The following RTL4 variants were observed in gnomAD, a reference collection of about 807,000 sequenced individuals.
RTL4 encodes retrotransposon Gag like 4.
Under a neutral mutation model 5.3 loss-of-function variants are expected in RTL4, and 4 were observed. That is an observed-to-expected ratio of 0.75 (90% CI 0.37 to 1.72). RTL4 has a LOEUF of 1.72. Among genes scored for constraint, RTL4 ranks in the 40% most tolerant of loss-of-function variants. The probability of loss-of-function intolerance (pLI) is 0.04; values close to 1 mark genes in which losing one functional copy is unlikely to be tolerated. For missense variants in RTL4, 260 were observed against 227.1 expected (o/e 1.14, Z -0.93); for synonymous variants, 98 against 87.3 (o/e 1.12, Z -0.68).
At chrX:112,292,436 G>A in the RTL4 span, among the ~76,000 whole-genome samples, 2 of 111,834 alleles carry the variant, frequency 1.8e-5, no homozygotes, top group Non-Finnish European at 3.8e-5. Context: ...GACTAGCAAA[G>A]CAAGGACCTC....
At chrX:112,125,044 G>C in the RTL4 span, among the ~76,000 whole-genome samples, 1 of 108,743 alleles carries the variant, frequency 9.2e-6, no homozygotes, top group Non-Finnish European at 1.9e-5. Context: ...GGGACTACAG[G>C]TGCATGCCAC....
chrX:112,126,353 C>T, the RTL4 span, among the ~76,000 whole-genome samples: 4 of 112,164 alleles, frequency 3.6e-5, no homozygotes, highest in African/African-American at 1.3e-4. Flanking sequence ...AGGAAAGTAC[C>T]TTCATCCTAA....
the RTL4 span, among the ~76,000 whole-genome samples, chrX:112,088,768 G>T: frequency 3.4e-3 from 382 of 112,168 alleles, no homozygotes; most frequent in African/African-American, 7.7e-3. Flanking sequence ...TGTGTGAAGT[G>T]GTATCTCATT....
the RTL4 span, among the ~76,000 whole-genome samples, chrX:112,310,801 CTATATTA>C: frequency 1.3e-5 from 1 of 75,631 alleles, no homozygotes; most frequent in African/African-American, 5.1e-5. Flanking sequence ...ATATATAATT[CTATATTA>C]TATATTATAT....
the RTL4 span, among the ~76,000 whole-genome samples, chrX:112,268,033 C>A: frequency 9.0e-6 from 1 of 111,250 alleles, no homozygotes; most frequent in African/African-American, 3.3e-5. Flanking sequence ...TAAGCCAAGT[C>A]ATGTCACCCC....
chrX:112,375,837 A>C, the RTL4 span, among the ~76,000 whole-genome samples: 2 of 111,773 alleles, frequency 1.8e-5, no homozygotes, highest in African/African-American at 6.5e-5. Context: ...GACTGCTTTC[A>C]CACTAAAATG....
chrX:112,376,146 G>A, the RTL4 span, among the ~76,000 whole-genome samples: 3 of 111,256 alleles, frequency 2.7e-5, no homozygotes, highest in Non-Finnish European at 5.7e-5. Flanking sequence ...CAATGCATAG[G>A]ACAGCCCCTC....
chrX:112,100,595 T>A, the RTL4 span, among the ~76,000 whole-genome samples: 1 of 111,942 alleles, frequency 8.9e-6, no homozygotes, highest in Non-Finnish European at 1.9e-5. Flanking sequence ...ACCTAAAATA[T>A]CAGGGGCATA....
the RTL4 span, among the ~76,000 whole-genome samples, chrX:112,244,638 CTCTT>C: frequency 3.6e-5 from 4 of 111,763 alleles, no homozygotes; most frequent in African/African-American, 9.8e-5. Flanking sequence ...TGGGTCTTGA[CTCTT>C]TATCCAATTT....
the RTL4 span, among the ~76,000 whole-genome samples, chrX:112,162,510 G>T: frequency 9.0e-6 from 1 of 111,335 alleles, no homozygotes; most frequent in African/African-American, 3.3e-5. Context: ...TTATGACAGG[G>T]TTTGGTTTAG....
the RTL4 span, among the ~76,000 whole-genome samples, chrX:112,380,556 T>C: frequency 2.7e-5 from 3 of 112,195 alleles, no homozygotes; most frequent in Admixed American, 9.4e-5. Flanking sequence ...TTGGATTGTT[T>C]CCAGTTTTGT....
the RTL4 span, among the ~76,000 whole-genome samples, chrX:112,191,413 C>T: frequency 9.0e-6 from 1 of 111,416 alleles, no homozygotes; most frequent in East Asian, 2.8e-4. Flanking sequence ...TTGCCTTCTG[C>T]TCTCTACCAC....
the RTL4 span, among the ~76,000 whole-genome samples, chrX:112,328,529 A>G: frequency 1.8e-5 from 2 of 111,613 alleles, no homozygotes; most frequent in Non-Finnish European, 3.8e-5. Flanking sequence ...TGACCTACAA[A>G]GAGGCTTAGA....
the RTL4 span, among the ~76,000 whole-genome samples, chrX:112,103,849 C>G: frequency 1.8e-5 from 2 of 110,953 alleles, no homozygotes; most frequent in Non-Finnish European, 1.9e-5. Context: ...ATGGCTAAAT[C>G]TAGCTAATTA....
the RTL4 span, among the ~76,000 whole-genome samples, chrX:112,120,661 A>G: frequency 2.8e-5 from 3 of 107,099 alleles, no homozygotes; most frequent in Non-Finnish European, 3.9e-5. Flanking sequence ...ATTTTTCTAG[A>G]AAAAAAAACA....
At position 112,454,907 on chromosome X, in the gene RTL4, A is replaced by G. The variant is rs140227449; in HGVS notation, c.179A>G (p.His60Arg). The G allele has an allele frequency of 5.7e-5, 69 of 1,208,463 alleles. No homozygotes were observed. In the African/African-American group the frequency reaches 1.1e-3, roughly 18 times the overall value. Residue 60 changes from histidine to arginine, a missense_variant, in exon 1 of 1, where the codon CAT becomes CGT. His to Arg is a conservative substitution (Grantham distance 29). Transcript: ENST00000340433. Reference sequence around the variant, plus strand: ...ATGCCTGTACCATACTCACTTGAGCATCTCACCCAGTTTCATGGTGACCCT... The same window carrying G: ...ATGCCTGTACCATACTCACTTGAGCGTCTCACCCAGTTTCATGGTGACCCT...
the RTL4 span, among the ~76,000 whole-genome samples, chrX:112,215,699 T>A: frequency 8.9e-6 from 1 of 112,373 alleles, no homozygotes; most frequent in African/African-American, 3.2e-5. Context: ...CATCTGTTGA[T>A]AGATATTTGG....
At chrX:112,264,606 C>T in the RTL4 span, among the ~76,000 whole-genome samples, 25,218 of 111,265 alleles carry the variant, frequency 0.23, 2,434 homozygotes, top group African/African-American at 0.38. Context: ...AAATGACCTA[C>T]GTATAACATA....
the RTL4 span, among the ~76,000 whole-genome samples, chrX:112,178,811 A>T: frequency 9.0e-6 from 1 of 111,338 alleles, no homozygotes; most frequent in African/African-American, 3.3e-5. Flanking sequence ...TGCAGTGCTC[A>T]TTCTATCTCT....
Sources: gnomAD v4.1 joint callset for allele counts (sites outside exome capture counted in the v4.1 genomes callset) on GRCh38, gnomAD v4.1.1 for gene constraint, MANE v1.5 for transcripts, NCBI Gene and HGNC (gene_info 2026-07-23, HGNC 2026-07-21) for gene names.